MARCHF4: variants seen among roughly 807,000 people sequenced by gnomAD.
MARCHF4 encodes the protein membrane associated ring-CH-type finger 4, also known as E3 ubiquitin-protein ligase MARCHF4.
A neutral mutation model predicts 43.9 loss-of-function variants in MARCHF4; 14 were observed. That is an observed-to-expected ratio of 0.32 (90% CI 0.21 to 0.50). The LOEUF is 0.50. Among genes scored for constraint, MARCHF4 ranks in the 20% least tolerant of loss-of-function variants. The pLI is 0.98. For synonymous variants in MARCHF4, 226 were observed against 213.3 expected, an observed-to-expected ratio of 1.06 and a Z score of -0.52; for missense variants, 468 against 536.7, an observed-to-expected ratio of 0.87 and a Z score of 1.27.
chr2:216,364,085 T>C (rs1293830894), intron 1 of MARCHF4, among the ~76,000 whole-genome samples: 1 of 152,188 alleles, frequency 6.6e-6, no homozygotes, highest in Non-Finnish European at 1.5e-5. Flanking sequence ...ACAGCTTTGA[T>C]AGAAAGTTTG....
intron 1 of MARCHF4, among the ~76,000 whole-genome samples, chr2:216,320,675 C>CTTTT (rs749350936): frequency 2.4e-4 from 8 of 33,100 alleles, no homozygotes; most frequent in African/African-American, 4.8e-4. Flanking sequence ...TTCTTTCTTT[C>CTTTT]TTTTTTTTTT....
At chr2:216,343,868 A>G (rs1692270964) in intron 1 of MARCHF4, among the ~76,000 whole-genome samples, 1 of 152,218 alleles carries the variant, frequency 6.6e-6, no homozygotes, top group Non-Finnish European at 1.5e-5. Flanking sequence ...AGCTAGAAGT[A>G]CTATCTGGAT....
At chr2:216,339,878 G>T (rs1399857732) in intron 1 of MARCHF4, among the ~76,000 whole-genome samples, 3 of 151,990 alleles carry the variant, frequency 2.0e-5, no homozygotes, top group Non-Finnish European at 4.4e-5. Flanking sequence ...GAGCCTCGGG[G>T]GACTTAAGCA....
At chr2:216,320,607 T>TTTTCTTTCTTTCTTTCTTTC (rs552086212) in intron 1 of MARCHF4, among the ~76,000 whole-genome samples, 11 of 112,178 alleles carry the variant, frequency 9.8e-5, no homozygotes, top group East Asian at 5.5e-4. Context: ...TATAGCCTCT[T>TTTTCTTTCTTTCTTTCTTTC]TTTCTTTCTT....
At chr2:216,351,211 C>A (rs917387043) in intron 1 of MARCHF4, among the ~76,000 whole-genome samples, 33 of 152,336 alleles carry the variant, frequency 2.2e-4, no homozygotes, top group African/African-American at 7.7e-4. Context: ...GACATTACTG[C>A]CACTGGGAGT....
At chr2:216,345,979 A>T (rs958890971) in intron 1 of MARCHF4, among the ~76,000 whole-genome samples, 2 of 152,134 alleles carry the variant, frequency 1.3e-5, no homozygotes, top group African/African-American at 4.8e-5. Flanking sequence ...AGAGTGTGAA[A>T]ACAGGCACCT....
chr2:216,347,942 A>T (rs1445728695), intron 1 of MARCHF4, among the ~76,000 whole-genome samples: 3 of 151,278 alleles, frequency 2.0e-5, no homozygotes, highest in African/African-American at 7.3e-5. Context: ...TGTCAGAGGC[A>T]TTTTAACCAG....
chr2:216,274,724 C>A (rs1559087043), intron 3 of MARCHF4, among the ~76,000 whole-genome samples: 1 of 152,184 alleles, frequency 6.6e-6, no homozygotes, highest in African/African-American at 2.4e-5. Flanking sequence ...CTGTGGACAG[C>A]CTTTCCTATG....
chr2:216,338,396 C>T (rs1008476018), intron 1 of MARCHF4, among the ~76,000 whole-genome samples: 1 of 152,204 alleles, frequency 6.6e-6, no homozygotes, highest in African/African-American at 2.4e-5. Flanking sequence ...ACAGAAGTTT[C>T]TGCCGCCTTC....
At position 216,336,742 on chromosome 2, in the gene MARCHF4, T is replaced by TAAAAAAAA. The variant is rs58031229; in HGVS notation, c.516+32995_516+33002dup. ...GGCAAATGGGAAAGGCAAATAGATT[T>TAAAAAAAA]AAAAAAAAAAAAAAAAAAAAAAAAA... On this transcript the variant is annotated intron_variant, in intron 1 of 3. Transcript: ENST00000273067. 5.9e-4 allele frequency among the ~76,000 whole-genome samples: 33 copies of TAAAAAAAA among 55,656 alleles called. No individual in the cohort carries two copies. The East Asian group carries it at 0.011, about 18-fold the overall frequency. 36.5% of individuals were successfully genotyped at this position (55,656 alleles called of 152,430 possible).
chr2:216,259,468 C>T lies in MARCHF4; in HGVS notation c.1077G>A (p.Gln359=). Residue 359 remains glutamine, a synonymous_variant, in exon 4 of 4, where the codon CAG becomes CAA. Coordinates refer to ENST00000273067, the MANE Select transcript of MARCHF4 (RefSeq NM_020814.3). The part of the protein sequence containing the change: ...EETAGTPAPE[Q]GPAQAAGHPS... The stretch of plus-strand genomic sequence containing the variant: ...GGTGGCCGGCAGCCTGGGCAGGGCC[C>T]TGCTCAGGGGCAGGGGTGCCTGCGG... 6.2e-7 allele frequency: 1 copy of T among 1,614,148 alleles called. No individual in the cohort carries two copies. Among genetic ancestry groups the T allele is most frequent in the Non-Finnish European group, 8.5e-7 (1 of 1,180,028 alleles).
intron 1 of MARCHF4, among the ~76,000 whole-genome samples, chr2:216,356,788 C>G (rs1366248787): frequency 1.3e-5 from 2 of 151,974 alleles, no homozygotes; most frequent in Non-Finnish European, 2.9e-5. Flanking sequence ...TTTGAGAGGC[C>G]GAGGTGGGTG....
intron 3 of MARCHF4, 169 bp from the exon 4 acceptor site, chr2:216,259,848 A>G: frequency 1.5e-6 from 1 of 663,124 alleles, no homozygotes; most frequent in Non-Finnish European, 2.5e-6. Context: ...AGTAGGCAGA[A>G]GGTGGAGGGG....
chr2:216,336,307 G>A (rs1692156437), intron 1 of MARCHF4, among the ~76,000 whole-genome samples: 1 of 152,036 alleles, frequency 6.6e-6, no homozygotes, highest in Non-Finnish European at 1.5e-5. Flanking sequence ...TGTCTAATGA[G>A]GAAATACACT....
At chr2:216,340,446 G>A (rs1417758722) in intron 1 of MARCHF4, among the ~76,000 whole-genome samples, 1 of 152,226 alleles carries the variant, frequency 6.6e-6, no homozygotes, top group Non-Finnish European at 1.5e-5. Flanking sequence ...TTAGAGAAGG[G>A]AGAGGAAGAG....
intron 1 of MARCHF4, among the ~76,000 whole-genome samples, chr2:216,284,666 A>G (rs1439574581): frequency 6.6e-6 from 1 of 152,162 alleles, no homozygotes; most frequent in South Asian, 2.1e-4. Flanking sequence ...GGGTCTCTTC[A>G]TGTTGCCCAG....
At chr2:216,330,906 T>G (rs1030640127) in intron 1 of MARCHF4, among the ~76,000 whole-genome samples, 2 of 152,034 alleles carry the variant, frequency 1.3e-5, no homozygotes, top group African/African-American at 2.4e-5. Flanking sequence ...AATCTAAGTA[T>G]TCATTGAATA....
chr2:216,260,812 A>C (rs544526782), intron 3 of MARCHF4, among the ~76,000 whole-genome samples: 184 of 152,322 alleles, frequency 1.2e-3, no homozygotes, highest in Non-Finnish European at 2.3e-3. Context: ...ACCTGTGAAG[A>C]GGGCCAAGAG....
At chr2:216,368,729 C>T (rs966066253) in intron 1 of MARCHF4, among the ~76,000 whole-genome samples, 1 of 152,238 alleles carries the variant, frequency 6.6e-6, no homozygotes, top group Non-Finnish European at 1.5e-5. Flanking sequence ...AACACATAAC[C>T]TTGCCCACCT....
Sources: allele counts gnomAD v4.1 joint callset (sites outside exome capture counted in the v4.1 genomes callset), GRCh38; gene constraint gnomAD v4.1.1; transcripts MANE v1.5; gene names NCBI Gene and HGNC (gene_info 2026-07-23, HGNC 2026-07-21).